RHOH: variants seen among roughly 807,000 people sequenced by gnomAD.
RHOH encodes the protein rho-related GTP-binding protein RhoH.
In RHOH, 6 loss-of-function variants were observed where a neutral mutation model predicts 13.8. The ratio of observed to expected loss-of-function variants is 0.44; its 90% CI spans 0.24 to 0.86. The LOEUF (loss-of-function observed/expected upper bound fraction) is 0.86, where lower values mean the gene tolerates loss of function less well. Ranked by LOEUF, RHOH falls within the 40% of genes least tolerant of loss-of-function variation. The pLI is 0.24. For synonymous variants in RHOH, 117 were observed against 103.0 expected (o/e 1.14, Z -0.82); for missense variants, 147 against 244.5 (o/e 0.60, Z 2.66).
intron 1 of RHOH, among the ~76,000 whole-genome samples, 163 bp from the exon 2 acceptor site, chr4:40,242,551 A>G (rs1729378796): frequency 6.6e-6 from 1 of 152,208 alleles, no homozygotes; most frequent in Non-Finnish European, 1.5e-5. Flanking sequence ...CAGTTTTTGG[A>G]AAAACCTCAA....
At chr4:40,241,981 G>A (rs539017304) in intron 1 of RHOH, among the ~76,000 whole-genome samples, 2 of 152,380 alleles carry the variant, frequency 1.3e-5, no homozygotes, top group Admixed American at 1.3e-4. Flanking sequence ...CAGACGTGTA[G>A]GTTTGCTTTG....
chr4:40,222,279 C>G (rs902563253), intron 1 of RHOH, among the ~76,000 whole-genome samples: 1 of 152,158 alleles, frequency 6.6e-6, no homozygotes. Context: ...TCAATGGAAA[C>G]AAAATGGCCT....
At chr4:40,238,300 G>T (rs879785836) in intron 1 of RHOH, among the ~76,000 whole-genome samples, 1 of 152,206 alleles carries the variant, frequency 6.6e-6, no homozygotes, top group Non-Finnish European at 1.5e-5. Context: ...TGAAGAGCAG[G>T]TCTTTCCAGC....
At chr4:40,203,841 T>C (rs1179459512) in intron 1 of RHOH, among the ~76,000 whole-genome samples, 1 of 152,148 alleles carries the variant, frequency 6.6e-6, no homozygotes. Context: ...AAGATGGTCA[T>C]GGGGAGAGTC....
At chr4:40,227,441 G>A (rs916987894) in intron 1 of RHOH, among the ~76,000 whole-genome samples, 2 of 152,204 alleles carry the variant, frequency 1.3e-5, no homozygotes, top group African/African-American at 2.4e-5. Context: ...TCTGGGCCTC[G>A]TGTGGGCCCC....
chr4:40,224,192 A>G (rs1387161523), intron 1 of RHOH, among the ~76,000 whole-genome samples: 1 of 152,240 alleles, frequency 6.6e-6, no homozygotes, highest in Non-Finnish European at 1.5e-5. Flanking sequence ...ATGTCTGTAT[A>G]TCATACCCTT....
At chr4:40,239,733 G>A (rs1226781253) in intron 1 of RHOH, among the ~76,000 whole-genome samples, 2 of 152,056 alleles carry the variant, frequency 1.3e-5, no homozygotes, top group Non-Finnish European at 2.9e-5. Context: ...ACAAAAATTA[G>A]CCAGGCGTGG....
At chr4:40,206,696 C>T (rs150537726) in intron 1 of RHOH, among the ~76,000 whole-genome samples, 40 of 152,206 alleles carry the variant, frequency 2.6e-4, no homozygotes, top group African/African-American at 8.2e-4. Context: ...GCCAGAAAAA[C>T]CCTTACTTAT....
chr4:40,198,718 C>T (rs1326601342), intron 1 of RHOH, among the ~76,000 whole-genome samples: 1 of 152,188 alleles, frequency 6.6e-6, no homozygotes. Flanking sequence ...GGAGGCCCTT[C>T]AATTATCCAG....
chr4:40,235,151 A>T lies in RHOH; in HGVS notation c.-330-7563A>T, dbSNP rs1008060775. 1.1e-4 allele frequency: 17 copies of T among 152,344 alleles called. 1 individual carries two copies. In the South Asian group the frequency reaches 3.5e-3, roughly 32 times the overall value. The allele number at this position is 152,344 out of a possible 1,614,324, so 9.4% of individuals were successfully genotyped here. On this transcript the variant is annotated intron_variant, in intron 1 of 2. Transcript: ENST00000381799. ...TGTTCACCACAAAGGTGGTAACCTT[A>T]TTTTTAAAAATGCTTTTTATTGAAG...
At chr4:40,241,927 G>A (rs564516618) in intron 1 of RHOH, among the ~76,000 whole-genome samples, 26 of 152,302 alleles carry the variant, frequency 1.7e-4, no homozygotes, top group African/African-American at 6.3e-4. Context: ...TTTTGGAAAG[G>A]AATGCCAGGA....
chr4:40,229,034 T>C (rs1579307289), intron 1 of RHOH, among the ~76,000 whole-genome samples: 1 of 152,326 alleles, frequency 6.6e-6, no homozygotes, highest in East Asian at 1.9e-4. Context: ...CTTTGGCTTA[T>C]GTTCTAGAGA....
At chr4:40,216,136 A>AC (rs1553934619) in intron 1 of RHOH, among the ~76,000 whole-genome samples, 15 of 132,580 alleles carry the variant, frequency 1.1e-4, no homozygotes, top group Admixed American at 1.1e-3. Context: ...GACAGTTGCT[A>AC]TTTTTTTTTT....
intron 1 of RHOH, among the ~76,000 whole-genome samples, chr4:40,226,675 C>A (rs1727289314): frequency 6.6e-6 from 1 of 152,166 alleles, no homozygotes; most frequent in African/African-American, 2.4e-5. Context: ...GTGCTCTGGG[C>A]TGCATATCCA....
chr4:40,195,354 TTTCCTTCCTTCCTTCC>T (rs376202855), upstream of RHOH, among the ~76,000 whole-genome samples: 662 of 92,038 alleles, frequency 7.2e-3, 3 homozygotes, highest in Middle Eastern at 0.028. Context: ...CTTTCTTTCT[TTTCCTTCCTTCCTTCC>T]TTCCTTCCTT....
At chr4:40,231,318 ATT>A (rs3071888) in intron 1 of RHOH, among the ~76,000 whole-genome samples, 15 of 127,702 alleles carry the variant, frequency 1.2e-4, no homozygotes, top group Non-Finnish European at 9.6e-5. Flanking sequence ...TTCTTAGGTG[ATT>A]TTTTTTTTTT....
chr4:40,229,627 G>A (rs549942042), intron 1 of RHOH, among the ~76,000 whole-genome samples: 5 of 132,670 alleles, frequency 3.8e-5, no homozygotes, highest in Middle Eastern at 4.0e-3. Context: ...AGAGTGAAAC[G>A]CCATCTCAAA....
At chr4:40,211,898 G>T (rs1041216744) in intron 1 of RHOH, among the ~76,000 whole-genome samples, 2 of 152,092 alleles carry the variant, frequency 1.3e-5, no homozygotes, top group Non-Finnish European at 2.9e-5. Context: ...CTTCCTTCTC[G>T]AATTGTGATG....
intron 1 of RHOH, among the ~76,000 whole-genome samples, chr4:40,229,548 C>T (rs559602018): frequency 3.3e-5 from 5 of 151,152 alleles, no homozygotes; most frequent in East Asian, 1.9e-4. Flanking sequence ...GCAGGAGAAT[C>T]GCTTGAACCT....
Sources: gnomAD v4.1 joint callset for allele counts (sites outside exome capture counted in the v4.1 genomes callset) on GRCh38, gnomAD v4.1.1 for gene constraint, MANE v1.5 for transcripts, NCBI Gene and HGNC (gene_info 2026-07-23, HGNC 2026-07-21) for gene names.